The following AXDND1 variants were observed in gnomAD, a reference collection of about 807,000 sequenced individuals.
AXDND1 encodes the protein axonemal dynein light chain domain containing 1.
In AXDND1, 110 loss-of-function variants were observed where a neutral mutation model predicts 137.5. The observed-to-expected ratio is 0.80, with a 90% CI of 0.69 to 0.94. AXDND1 has a LOEUF of 0.94. Among genes scored for constraint, AXDND1 ranks in the 40% least tolerant of loss-of-function variants. AXDND1 has a pLI of 0.00. For missense variants in AXDND1, 1,191 were observed against 1,169.8 expected (o/e 1.02, Z -0.26); for synonymous variants, 414 against 399.7 (o/e 1.04, Z -0.43).
In AXDND1 at chr1:179,379,447, A is replaced by T. The variant is rs1318801071; in HGVS notation, c.546A>T (p.Ser182=). The change falls in exon 6 of 26, where the codon TCA becomes TCT. Residue 182 remains serine (S), a synonymous_variant. Transcript: ENST00000367618. ...TTCCTGAAGAATTTCATATTGTGTC[A>T]AGTACAGGAGTTTCAGGTTTGGAGT... is the stretch of plus-strand genomic sequence containing the variant. ...TLIPEEFHIV[S]STGVSGLECY... The T allele has an allele frequency of 1.9e-6, 3 of 1,613,770 alleles. No individual in the cohort carries two copies. Among genetic ancestry groups the T allele is most frequent in the Non-Finnish European group, 2.5e-6 (3 of 1,179,794 alleles).
At chr1:179,401,812 C>G (rs1208012044) in intron 11 of AXDND1, among the ~76,000 whole-genome samples, 1 of 152,074 alleles carries the variant, frequency 6.6e-6, no homozygotes, top group Non-Finnish European at 1.5e-5. Flanking sequence ...CACCTTCCAC[C>G]ATGATTGTGA....
At chr1:179,481,164 T>C (rs1398321597) in intron 17 of AXDND1, among the ~76,000 whole-genome samples, 2 of 152,076 alleles carry the variant, frequency 1.3e-5, no homozygotes, top group Admixed American at 6.5e-5. Context: ...CCCTGGTGTG[T>C]GATGTTCCCC....
chr1:179,459,627 T>C (rs1661927790), intron 16 of AXDND1, among the ~76,000 whole-genome samples: 1 of 151,954 alleles, frequency 6.6e-6, no homozygotes, highest in Non-Finnish European at 1.5e-5. Flanking sequence ...GTATTTTCTA[T>C]AGTGGTGGGT....
At position 179,464,650 on chromosome 1, in the gene AXDND1, G is replaced by A. The variant is rs60661239; in HGVS notation, c.1799-3793G>A. On this transcript the variant is annotated intron_variant, in intron 16 of 25. Coordinates refer to ENST00000367618, the MANE Select transcript of AXDND1 (RefSeq NM_144696.6). ...GGCATTCTCTGTATTTCCTGAATTT[G>A]AATGTTGGCCTGCCTTGCTAGGTTG... Among the ~76,000 whole-genome samples the A allele has an allele frequency of 4.5e-3, 684 of 152,200 alleles. 3 individuals are homozygous for A. Among genetic ancestry groups the A allele is most frequent in the African/African-American group, 0.015 (628 of 41,530 alleles).
In AXDND1 at chr1:179,554,512, G is replaced by A. The variant is rs1673790089; in HGVS notation, c.3032G>A (p.Gly1011Asp). 1 of 1,613,942 alleles carries A rather than the reference G, an allele frequency of 6.2e-7. No individual in the cohort carries two copies. Among genetic ancestry groups the A allele is most frequent in the Admixed American group, 1.7e-5 (1 of 59,996 alleles). Residue 1011 changes from glycine to aspartate, a missense_variant and splice_region_variant, in exon 26 of 26, where the codon GGT (glycine) becomes GAT (aspartate). Coordinates refer to ENST00000367618, the MANE Select transcript of AXDND1 (RefSeq NM_144696.6). ...CTCCACTTTGATTCCCCAAATACAG[G>A]TCACTGAATCCAAGGCAACCTGTGG... The part of the protein sequence containing the change: ...AENSSKSPKK[G>D]H
chr1:179,419,368 T>TCC (rs1655288181), intron 12 of AXDND1, among the ~76,000 whole-genome samples: 1 of 151,366 alleles, frequency 6.6e-6, no homozygotes, highest in Admixed American at 6.6e-5. Context: ...TCCCGGCACC[T>TCC]CGGGAGGCCA....
chr1:179,387,848 C>G (rs1171288661), intron 9 of AXDND1, among the ~76,000 whole-genome samples: 1 of 152,158 alleles, frequency 6.6e-6, no homozygotes, highest in Admixed American at 6.5e-5. Context: ...TACCTCTGAT[C>G]CTTTTGGGTA....
At chr1:179,404,198 T>C (rs1014310642) in intron 11 of AXDND1, among the ~76,000 whole-genome samples, 1 of 151,336 alleles carries the variant, frequency 6.6e-6, no homozygotes, top group African/African-American at 2.4e-5. Flanking sequence ...TTCTAGGCTG[T>C]GTTCATCTGT....
chr1:179,403,151 A>G (rs4233180), intron 11 of AXDND1, among the ~76,000 whole-genome samples: 41,672 of 152,074 alleles, frequency 0.27, 5,995 homozygotes, highest in Non-Finnish European at 0.31. Flanking sequence ...TGTTATATAT[A>G]TATTATATAA....
intron 12 of AXDND1, among the ~76,000 whole-genome samples, chr1:179,421,600 T>C (rs1191155321): frequency 1.3e-5 from 2 of 150,158 alleles, no homozygotes; most frequent in African/African-American, 4.9e-5. Flanking sequence ...GCCAGGCTGG[T>C]CTTAAACTCC....
chr1:179,464,362 C>T (rs1662816407), intron 16 of AXDND1, among the ~76,000 whole-genome samples: 1 of 152,142 alleles, frequency 6.6e-6, no homozygotes, highest in Non-Finnish European at 1.5e-5. Flanking sequence ...TTTATTTCTC[C>T]TTCACTTATG....
intron 21 of AXDND1, among the ~76,000 whole-genome samples, chr1:179,513,134 T>A (rs541196267): frequency 1.3e-5 from 2 of 152,310 alleles, no homozygotes; most frequent in Non-Finnish European, 2.9e-5. Context: ...GGTATCCTTG[T>A]CTCATTCCAG....
rs1387774572 is a variant in AXDND1 at position 179,385,248 on chromosome 1, T to C, written c.752T>C (p.Leu251Pro). The change falls in exon 9 of 26, where the codon CTA becomes CCA. Residue 251 changes from leucine (L) to proline (P), a missense_variant. By Grantham distance (98) the Leu-to-Pro change is moderately conservative. Coordinates refer to ENST00000367618, the MANE Select transcript of AXDND1 (RefSeq NM_144696.6). ...CTTACCTTCTGACAGATGCACAAAC[T>C]ACTACATATATTGAAGAAGGAACAG... ...EYTGPTKMHKLLHILKKEQTI... is the reference protein window; with the variant it reads ...EYTGPTKMHKPLHILKKEQTI... 1 of 1,609,810 alleles carries C rather than the reference T, an allele frequency of 6.2e-7. No individual in the cohort carries two copies. The highest frequency in any genetic ancestry group is 1.3e-5 in the African/African-American group (1 of 74,784).
intron 4 of AXDND1, among the ~76,000 whole-genome samples, chr1:179,375,540 T>C (rs1558086779): frequency 6.6e-6 from 1 of 150,986 alleles, no homozygotes; most frequent in Non-Finnish European, 1.5e-5. Context: ...TATATGTATA[T>C]ACAGGTATAT....
At chr1:179,464,582 A>G (rs1156817455) in intron 16 of AXDND1, among the ~76,000 whole-genome samples, 1 of 151,954 alleles carries the variant, frequency 6.6e-6, no homozygotes, top group Non-Finnish European at 1.5e-5. Flanking sequence ...TGAATCTGAC[A>G]ATTATGTGTT....
chr1:179,413,169 A>G (rs1230043635), intron 12 of AXDND1, among the ~76,000 whole-genome samples: 1 of 148,500 alleles, frequency 6.7e-6, no homozygotes, highest in Non-Finnish European at 1.5e-5. Context: ...ACATTTACAT[A>G]CACTCGTGAT....
intron 18 of AXDND1, among the ~76,000 whole-genome samples, chr1:179,488,664 TTTCTTTC>T (rs1666445533): frequency 7.3e-6 from 1 of 136,402 alleles, no homozygotes; most frequent in Non-Finnish European, 1.5e-5. Flanking sequence ...TCTTTCTTTC[TTTCTTTC>T]TTTCTTTCTT....
chr1:179,539,323 G>T (rs1671884298), intron 25 of AXDND1, among the ~76,000 whole-genome samples: 1 of 152,182 alleles, frequency 6.6e-6, no homozygotes, highest in African/African-American at 2.4e-5. Context: ...TGCAGTGACT[G>T]GTACCGATTG....
chr1:179,491,837 C>A, intron 19 of AXDND1, 100 bp downstream of exon 19: 1 of 1,067,678 alleles, frequency 9.4e-7, no homozygotes, highest in Non-Finnish European at 1.3e-6. Flanking sequence ...ATTTTAAAAC[C>A]TTGAAAGAAA....
Sources: gnomAD v4.1 joint callset for allele counts (sites outside exome capture counted in the v4.1 genomes callset) on GRCh38, gnomAD v4.1.1 for gene constraint, MANE v1.5 for transcripts, NCBI Gene and HGNC (gene_info 2026-07-23, HGNC 2026-07-21) for gene names.